The following OCA2 variants were observed in gnomAD, a reference collection of about 807,000 sequenced individuals.
OCA2 encodes the protein P protein.
In OCA2, 77 loss-of-function variants were observed where a neutral mutation model predicts 100.2. The observed-to-expected ratio is 0.77, with a 90% CI of 0.64 to 0.93. The LOEUF is 0.93. Among genes scored for constraint, OCA2 ranks in the 40% least tolerant of loss-of-function variants. The pLI, the probability that OCA2 is intolerant of heterozygous loss-of-function variation, is 0.00. For missense variants in OCA2, 1,062 were observed against 1,089.1 expected (o/e 0.98, Z 0.35); for synonymous variants, 432 against 439.2 (o/e 0.98, Z 0.21).
chr15:27,719,646 G>A, the OCA2 span, among the ~76,000 whole-genome samples: 1 of 152,146 alleles, frequency 6.6e-6, no homozygotes, highest in Admixed American at 6.5e-5. Flanking sequence ...TCATTCTATT[G>A]CTTGGTATTT....
At chr15:27,953,134 C>A (rs925512024) in intron 17 of OCA2, among the ~76,000 whole-genome samples, 2 of 152,214 alleles carry the variant, frequency 1.3e-5, no homozygotes, top group African/African-American at 4.8e-5. Context: ...TATCTACCAT[C>A]ATAGTGATCT....
intron 23 of OCA2, among the ~76,000 whole-genome samples, chr15:27,801,031 G>T (rs2033580850): frequency 6.6e-6 from 1 of 151,968 alleles, no homozygotes; most frequent in Admixed American, 6.5e-5. Context: ...CAGACCTCAG[G>T]GTTTGACTGG....
chr15:27,881,271 A>T (rs1423918795), intron 19 of OCA2, among the ~76,000 whole-genome samples: 1 of 152,112 alleles, frequency 6.6e-6, no homozygotes, highest in Non-Finnish European at 1.5e-5. Context: ...CCTGTATTTT[A>T]TTGAGGATTT....
chr15:27,982,796 T>C (rs2041211375), intron 14 of OCA2, among the ~76,000 whole-genome samples: 1 of 152,192 alleles, frequency 6.6e-6, no homozygotes, highest in African/African-American at 2.4e-5. Context: ...ATTAATGATA[T>C]AGTTCAATTT....
intron 23 of OCA2, among the ~76,000 whole-genome samples, chr15:27,821,592 G>A (rs1174287695): frequency 5.3e-5 from 8 of 151,728 alleles, no homozygotes; most frequent in East Asian, 1.9e-4. Flanking sequence ...TGGGCCACAC[G>A]TGTGTGCATC....
intron 6 of OCA2, among the ~76,000 whole-genome samples, chr15:28,019,528 G>A (rs1202006511): frequency 1.3e-5 from 2 of 152,158 alleles, no homozygotes; most frequent in African/African-American, 4.8e-5. Context: ...CCGCCTGGCT[G>A]CTGCGGGAGA....
At chr15:27,803,392 C>T (rs2033693513) in intron 23 of OCA2, among the ~76,000 whole-genome samples, 1 of 152,138 alleles carries the variant, frequency 6.6e-6, no homozygotes, top group South Asian at 2.1e-4. Flanking sequence ...TATTATTCAT[C>T]CTTAAAAAGA....
In OCA2 at chr15:27,987,555, TAAAA is replaced by T. The variant is rs34819807; in HGVS notation, c.1183-916_1183-913del. Among the ~76,000 whole-genome samples, 64 of 140,674 alleles carry T rather than the reference TAAAA, an allele frequency of 4.5e-4. No homozygotes were observed. The East Asian group carries it at 0.011, about 25-fold the overall frequency. 92.3% of individuals were successfully genotyped at this position (140,674 alleles called of 152,430 possible). Reference sequence around the variant, plus strand: ...TAACATGGTGAAACCCCATCTCTACTAAAAAAAAAAAAAAATACAAAAAATTAGC... The same window carrying T: ...TAACATGGTGAAACCCCATCTCTACTAAAAAAAAAAATACAAAAAATTAGC... On this transcript the variant is annotated intron_variant, in intron 11 of 23. Coordinates refer to ENST00000354638, the MANE Select transcript of OCA2 (RefSeq NM_000275.3).
intron 18 of OCA2, among the ~76,000 whole-genome samples, chr15:27,933,461 G>C (rs1009440845): frequency 6.6e-6 from 1 of 152,202 alleles, no homozygotes; most frequent in African/African-American, 2.4e-5. Flanking sequence ...CGGTAATGGT[G>C]ATTGTCACGC....
chr15:27,815,671 C>T (rs900180990), intron 23 of OCA2, among the ~76,000 whole-genome samples: 2 of 152,178 alleles, frequency 1.3e-5, no homozygotes, highest in African/African-American at 2.4e-5. Context: ...TAAACAATGA[C>T]CCCTCATAGG....
Position 28,060,573 on chromosome 15 carries a change from T to C in OCA2, c.227+21075A>G, listed in dbSNP as rs532769907. Among the ~76,000 whole-genome samples, 178 of 152,258 alleles carry C rather than the reference T, an allele frequency of 1.2e-3. 1 individual carries two copies. The highest frequency in any genetic ancestry group is 4.1e-3 in the African/African-American group (170 of 41,542). ...ACAGAAAGGACGTGTAGACATTCTC[T>C]CCTCCATAGAAGCAGCAAAAACAGA... On this transcript the variant is annotated intron_variant, in intron 2 of 23. Transcript: ENST00000354638.
chr15:28,031,513 C>T (rs1474035202), intron 3 of OCA2, among the ~76,000 whole-genome samples: 2 of 152,242 alleles, frequency 1.3e-5, no homozygotes. Flanking sequence ...CAGCTCTCCT[C>T]AGGCAATTCC....
chr15:27,962,339 C>A (rs1408233529), intron 15 of OCA2, among the ~76,000 whole-genome samples: 1 of 152,190 alleles, frequency 6.6e-6, no homozygotes, highest in Non-Finnish European at 1.5e-5. Context: ...TCAGATATCC[C>A]ATGTCTTACC....
chr15:28,091,960 A>G lies in OCA2; in HGVS notation c.-22+7264T>C, dbSNP rs142547548. Reference sequence around the variant, plus strand: ...GACAGAGCAAGACTCCATCTCAAAAAAACAAAAGTACAAACAACCCAAATG... The same window carrying G: ...GACAGAGCAAGACTCCATCTCAAAAGAACAAAAGTACAAACAACCCAAATG... On this transcript the variant is annotated intron_variant, in intron 1 of 23. Coordinates refer to ENST00000354638, the MANE Select transcript of OCA2 (RefSeq NM_000275.3). Among the ~76,000 whole-genome samples the G allele has an allele frequency of 5.8e-3, 885 of 152,368 alleles. 11 individuals are homozygous for G. The highest frequency in any genetic ancestry group is 0.01 in the Non-Finnish European group (691 of 68,030).
In OCA2 at chr15:27,804,103, T is replaced by TA. The variant is rs927586403; in HGVS notation, c.2432+40855dup. Among the ~76,000 whole-genome samples the TA allele has an allele frequency of 3.1e-4, 47 of 152,170 alleles. 1 individual carries two copies. Among genetic ancestry groups the TA allele is most frequent in the African/African-American group, 1.1e-3 (47 of 41,498 alleles). On this transcript the variant is annotated intron_variant, in intron 23 of 23. Coordinates refer to ENST00000354638, the MANE Select transcript of OCA2 (RefSeq NM_000275.3). ...TCAATTATATCTCAACAAGACTGTT[T>TA]AAAAAAATAAAAAGAGACTATGGCA...
chr15:27,759,344 A>T (rs903892614), intron 23 of OCA2, among the ~76,000 whole-genome samples: 4 of 152,222 alleles, frequency 2.6e-5, no homozygotes, highest in African/African-American at 9.6e-5. Flanking sequence ...GGAATCTTGG[A>T]GTATCAGGAA....
intron 14 of OCA2, among the ~76,000 whole-genome samples, chr15:27,968,030 G>C (rs1207228383): frequency 6.6e-6 from 1 of 151,920 alleles, no homozygotes; most frequent in Non-Finnish European, 1.5e-5. Context: ...AGTCAGCAGC[G>C]TCATTGGTTG....
chr15:28,054,598 C>T (rs2043629780), intron 2 of OCA2, among the ~76,000 whole-genome samples: 1 of 152,138 alleles, frequency 6.6e-6, no homozygotes, highest in Admixed American at 6.5e-5. Context: ...TAGAGATACC[C>T]CTCTCCCAAA....
chr15:27,988,090 T>C (rs2041423850), intron 11 of OCA2, among the ~76,000 whole-genome samples: 1 of 151,838 alleles, frequency 6.6e-6, no homozygotes. Context: ...TGGAGACCCA[T>C]GTGGTGTTTT....
Sources: allele counts gnomAD v4.1 joint callset (sites outside exome capture counted in the v4.1 genomes callset), GRCh38; gene constraint gnomAD v4.1.1; transcripts MANE v1.5; gene names NCBI Gene and HGNC (gene_info 2026-07-23, HGNC 2026-07-21).